The following TRIM33 variants were observed in gnomAD, a reference collection of about 807,000 sequenced individuals.
TRIM33 encodes tripartite motif containing 33.
TRIM33 carries 20 observed loss-of-function variants against 125.4 expected under a neutral mutation model. The observed-to-expected ratio is 0.16, with a 90% CI of 0.11 to 0.23. The LOEUF (loss-of-function observed/expected upper bound fraction) is 0.23, where lower values mean the gene tolerates loss of function less well. Ranked by LOEUF, TRIM33 falls within the 10% of genes least tolerant of loss-of-function variation. The pLI is 1.00. For missense variants in TRIM33, 920 were observed against 1,411.4 expected, an observed-to-expected ratio of 0.65 and a Z score of 5.58; for synonymous variants, 564 against 513.9, an observed-to-expected ratio of 1.10 and a Z score of -1.32.
At chr1:114,501,698 A>G (rs1252960460) in intron 1 of TRIM33, among the ~76,000 whole-genome samples, 1 of 152,196 alleles carries the variant, frequency 6.6e-6, no homozygotes, top group African/African-American at 2.4e-5. Context: ...CTACATCATC[A>G]ACAAAGGATC....
chr1:114,481,497 A>T (rs1200485943), intron 1 of TRIM33, among the ~76,000 whole-genome samples: 1 of 150,772 alleles, frequency 6.6e-6, no homozygotes, highest in Non-Finnish European at 1.5e-5. Context: ...AGGCTGAGCC[A>T]GGAGAATCGC....
intron 1 of TRIM33, among the ~76,000 whole-genome samples, chr1:114,499,508 C>T (rs1393684669): frequency 1.3e-5 from 2 of 151,350 alleles, no homozygotes; most frequent in Admixed American, 6.6e-5. Context: ...TTTTTCCCCA[C>T]ACCCACATTG....
chr1:114,418,756 C>A (rs964322240), intron 11 of TRIM33, among the ~76,000 whole-genome samples: 1 of 152,092 alleles, frequency 6.6e-6, no homozygotes, highest in Non-Finnish European at 1.5e-5. Context: ...GACAATGGCT[C>A]CACCTGGACC....
At chr1:114,411,052 A>G (rs1652551111) in intron 11 of TRIM33, among the ~76,000 whole-genome samples, 1 of 152,088 alleles carries the variant, frequency 6.6e-6, no homozygotes. Context: ...TCTTTTATTT[A>G]TTTTTGAGAC....
At chr1:114,481,989 G>C (rs1371142311) in intron 1 of TRIM33, among the ~76,000 whole-genome samples, 2 of 152,076 alleles carry the variant, frequency 1.3e-5, no homozygotes, top group East Asian at 1.9e-4. Context: ...TTGAACTCCT[G>C]ACTTCAGGTG....
At chr1:114,467,397 G>A (rs1215200837) in intron 1 of TRIM33, among the ~76,000 whole-genome samples, 1 of 152,128 alleles carries the variant, frequency 6.6e-6, no homozygotes, top group Non-Finnish European at 1.5e-5. Context: ...TTGGATAGAT[G>A]GTGTTTAACT....
At chr1:114,482,064 C>G (rs1205534043) in intron 1 of TRIM33, among the ~76,000 whole-genome samples, 1 of 152,120 alleles carries the variant, frequency 6.6e-6, no homozygotes, top group Non-Finnish European at 1.5e-5. Flanking sequence ...AAACTTTCTG[C>G]CATGACAAAA....
At chr1:114,447,690 A>C (rs1649073746) in intron 4 of TRIM33, among the ~76,000 whole-genome samples, 1 of 152,232 alleles carries the variant, frequency 6.6e-6, no homozygotes, top group Admixed American at 6.5e-5. Context: ...AAACAAAATA[A>C]GCAAATGAGA....
chr1:114,486,536 G>A (rs1651701857), intron 1 of TRIM33, among the ~76,000 whole-genome samples: 2 of 111,244 alleles, frequency 1.8e-5, no homozygotes, highest in African/African-American at 4.0e-5. Flanking sequence ...AACACAGTGG[G>A]ACCCTATCTC....
Position 114,464,254 on chromosome 1 carries a change from A to G in TRIM33, c.645+16T>C, listed in dbSNP as rs201703976. ...GATATCAAGATAGGAATATAAAGAA[A>G]AATTGAGAAGCATACCTGTTCTGAT... On this transcript the variant is annotated intron_variant, in intron 2 of 19. Transcript: ENST00000358465. The G allele has an allele frequency of 2.1e-6, 3 of 1,417,478 alleles. No individual in the cohort carries two copies. The African/African-American group carries it at 4.3e-5, about 21-fold the overall frequency. The allele number at this position is 1,417,478 out of a possible 1,614,324, so 87.8% of individuals were successfully genotyped here. A position where few individuals can be genotyped will look rare whatever the true frequency, so the allele number is the denominator to read the frequency against.
At chr1:114,499,826 G>T (rs1197593241) in intron 1 of TRIM33, among the ~76,000 whole-genome samples, 1 of 152,030 alleles carries the variant, frequency 6.6e-6, no homozygotes, top group Non-Finnish European at 1.5e-5. Flanking sequence ...ATCAGATAAT[G>T]GAATTATCAA....
chr1:114,451,347 C>T (rs931625033), intron 4 of TRIM33, among the ~76,000 whole-genome samples: 1 of 148,808 alleles, frequency 6.7e-6, no homozygotes, highest in Non-Finnish European at 1.5e-5. Flanking sequence ...ATCAGATCCA[C>T]CAAATCTTCC....
rs190717079 is a variant in TRIM33 at position 114,417,084 on chromosome 1, C to A, written c.2061+4352G>T. 1.0e-3 allele frequency among the ~76,000 whole-genome samples: 157 copies of A among 152,150 alleles called. 1 individual carries two copies. Among genetic ancestry groups the A allele is most frequent in the African/African-American group, 1.8e-3 (76 of 41,518 alleles). On this transcript the variant is annotated intron_variant, in intron 11 of 19. Coordinates refer to ENST00000358465, the MANE Select transcript of TRIM33 (RefSeq NM_015906.4). ...TAATACATGCTAAAACATGGATAGACCTGGAAAACATTATGCTAAGTAAAA... is the reference window on the plus strand; with the variant it reads ...TAATACATGCTAAAACATGGATAGAACTGGAAAACATTATGCTAAGTAAAA...
At chr1:114,486,181 C>G (rs957641382) in intron 1 of TRIM33, among the ~76,000 whole-genome samples, 2 of 152,046 alleles carry the variant, frequency 1.3e-5, no homozygotes, top group African/African-American at 2.4e-5. Flanking sequence ...TAGGCTGAGG[C>G]AGGAGAATTG....
rs1036709886 is a variant in TRIM33, at chr1:114,463,150, T to G, written c.877A>C (p.Arg293=). 4 of 1,612,752 alleles carry G rather than the reference T, an allele frequency of 2.5e-6. No homozygotes were observed. Among genetic ancestry groups the G allele is most frequent in the South Asian group, 1.1e-5 (1 of 90,762 alleles). Reference sequence around the variant, plus strand: ...AGCTGACAGTCTCTACATGTCAATCTATCACATGTTTCACAGAAAAGTTTC... The same window carrying G: ...AGCTGACAGTCTCTACATGTCAATCGATCACATGTTTCACAGAAAAGTTTC... ...QLKLFCETCD[R]LTCRDCQLLE... is the part of the protein sequence containing the mutation. Residue 293 remains arginine, a synonymous_variant, in exon 4 of 20, where the codon AGA becomes CGA. Transcript: ENST00000358465.
chr1:114,467,610 G>A (rs1650383202), intron 1 of TRIM33, among the ~76,000 whole-genome samples: 1 of 152,102 alleles, frequency 6.6e-6, no homozygotes, highest in Non-Finnish European at 1.5e-5. Flanking sequence ...CAAACCACAG[G>A]AAGTACACTT....
intron 1 of TRIM33, among the ~76,000 whole-genome samples, chr1:114,481,085 T>C (rs1207029208): frequency 6.6e-6 from 1 of 151,766 alleles, no homozygotes; most frequent in Non-Finnish European, 1.5e-5. Flanking sequence ...GACAGGAGAA[T>C]AGCTTGAACC....
In TRIM33 at chr1:114,504,147, CTTTTT is replaced by C. The variant is rs556629115; in HGVS notation, c.526+6399_526+6403del. Among the ~76,000 whole-genome samples the C allele has an allele frequency of 1.7e-4, 25 of 151,020 alleles. No homozygotes were observed. The South Asian group carries it at 4.2e-3, about 25-fold the overall frequency. Reference sequence around the variant, plus strand: ...TATAGTATGGCTTGGAGCCATTATCCTTTTTTTTTATTTTTTTATTTTTTTTATTT... The same window carrying C: ...TATAGTATGGCTTGGAGCCATTATCCTTTTATTTTTTTATTTTTTTTATTT... On this transcript the variant is annotated intron_variant, in intron 1 of 19. Coordinates refer to ENST00000358465, the MANE Select transcript of TRIM33 (RefSeq NM_015906.4).
intron 9 of TRIM33, among the ~76,000 whole-genome samples, chr1:114,424,969 A>T (rs35212068): frequency 0.33 from 47,336 of 143,192 alleles, 7,867 homozygotes; most frequent in African/African-American, 0.44. Context: ...TCTCTCTCTT[A>T]CCTGTTCCCC....
Sources: allele counts gnomAD v4.1 joint callset (sites outside exome capture counted in the v4.1 genomes callset), GRCh38; gene constraint gnomAD v4.1.1; transcripts MANE v1.5; gene names NCBI Gene and HGNC (gene_info 2026-07-23, HGNC 2026-07-21).